The following PIBF1 variants were observed in gnomAD, a reference collection of about 807,000 sequenced individuals.
PIBF1 encodes the protein progesterone immunomodulatory binding factor 1, also known as progesterone-induced-blocking factor 1.
PIBF1 carries 90 observed loss-of-function variants against 112.5 expected under a neutral mutation model. That is an observed-to-expected ratio of 0.80 (90% CI 0.67 to 0.95). The LOEUF (loss-of-function observed/expected upper bound fraction) is 0.95, where lower values mean the gene tolerates loss of function less well. Among genes scored for constraint, PIBF1 ranks in the 40% least tolerant of loss-of-function variants. The probability of loss-of-function intolerance (pLI) is 0.00; values close to 1 mark genes in which losing one functional copy is unlikely to be tolerated. For missense variants in PIBF1, 915 were observed against 852.3 expected, an observed-to-expected ratio of 1.07 and a Z score of -0.92; for synonymous variants, 301 against 288.6, an observed-to-expected ratio of 1.04 and a Z score of -0.44.
intron 15 of PIBF1, among the ~76,000 whole-genome samples, chr13:72,965,605 T>G (rs1287568661): frequency 1.3e-5 from 2 of 152,214 alleles, no homozygotes; most frequent in East Asian, 3.8e-4. Flanking sequence ...ATCAGATGTC[T>G]TAGCATGGAA....
chr13:72,819,387 T>C (rs2036439219), intron 5 of PIBF1, among the ~76,000 whole-genome samples: 1 of 152,124 alleles, frequency 6.6e-6, no homozygotes, highest in Non-Finnish European at 1.5e-5. Flanking sequence ...TGCCCCCTTT[T>C]CTCCAACAGT....
At chr13:72,913,761 C>CA (rs570395102) in intron 12 of PIBF1, among the ~76,000 whole-genome samples, 2,530 of 123,868 alleles carry the variant, frequency 0.02, 74 homozygotes, top group South Asian at 0.029. Context: ...GACTCTGTCT[C>CA]AAAAAAAAAA....
rs141940979 is a variant in PIBF1, at chr13:72,968,647, A to G, written c.1964+3243A>G. ...CTGTTACTGAGGAACTAAATTTTTA[A>G]TTCTATTAAAATTAAATTGTTTAAA... On this transcript the variant is annotated intron_variant, in intron 15 of 17. Transcript: ENST00000326291. 3.5e-3 allele frequency among the ~76,000 whole-genome samples: 535 copies of G among 152,144 alleles called. 2 individuals carry two copies. The highest frequency in any genetic ancestry group is 0.012 in the African/African-American group (506 of 41,522).
rs889325695 is a variant in PIBF1, at chr13:72,790,519, A to T, written c.253-1928A>T. Among the ~76,000 whole-genome samples the T allele has an allele frequency of 2.0e-4, 10 of 51,152 alleles. No homozygotes were observed. The South Asian group carries it at 4.6e-3, about 24-fold the overall frequency. The allele number at this position is 51,152 out of a possible 152,430, so 33.6% of individuals were successfully genotyped here. ...ATAGATCACACACACACATAGATAG[A>T]TAGATAGATAGATAGATAGATAGAT... On this transcript the variant is annotated intron_variant, in intron 2 of 17. Transcript: ENST00000326291.
At chr13:72,974,870 CTG>C (rs2042981012) in intron 16 of PIBF1, among the ~76,000 whole-genome samples, 1 of 152,138 alleles carries the variant, frequency 6.6e-6, no homozygotes, top group Admixed American at 6.6e-5. Flanking sequence ...TTATAAGCAA[CTG>C]TCAAAATTTT....
intron 9 of PIBF1, 59 bp downstream of exon 9, chr13:72,835,427 TTA>T (rs2037314354): frequency 3.8e-6 from 5 of 1,313,814 alleles, no homozygotes; most frequent in Non-Finnish European, 5.2e-6. Context: ...TTTAGAAGCT[TTA>T]TTGAAATTAA....
intron 13 of PIBF1, among the ~76,000 whole-genome samples, chr13:72,928,028 T>TATATACATATATATAC (rs1566458703): frequency 0.055 from 3,181 of 58,340 alleles, 292 homozygotes; most frequent in African/African-American, 0.15. Flanking sequence ...TATATATACA[T>TATATACATATATATAC]ATATATATAT....
chr13:72,994,956 G>A (rs780545148), intron 16 of PIBF1, among the ~76,000 whole-genome samples: 29 of 152,020 alleles, frequency 1.9e-4, no homozygotes, highest in Non-Finnish European at 1.2e-4. Context: ...CAAAAAGGTC[G>A]GTGTAAGACA....
chr13:73,001,490 A>T (rs1015060946), intron 17 of PIBF1, among the ~76,000 whole-genome samples: 1 of 150,726 alleles, frequency 6.6e-6, no homozygotes, highest in African/African-American at 2.4e-5. Context: ...ATATGCATTG[A>T]CAATATGAGG....
Position 72,899,302 on chromosome 13 carries a change from C to G in PIBF1, c.1488+5353C>G, listed in dbSNP as rs541458386. Among the ~76,000 whole-genome samples, 144 of 152,196 alleles carry G rather than the reference C, an allele frequency of 9.5e-4. 1 individual carries two copies. The highest frequency in any genetic ancestry group is 3.2e-3 in the African/African-American group (132 of 41,530). ...AGCCAGCATCACCCTAATACCAAACCAGGAAAGGATACAACCAAAAAAGAA... is the reference window on the plus strand; with the variant it reads ...AGCCAGCATCACCCTAATACCAAACGAGGAAAGGATACAACCAAAAAAGAA... On this transcript the variant is annotated intron_variant, in intron 11 of 17. Coordinates refer to ENST00000326291, the MANE Select transcript of PIBF1 (RefSeq NM_006346.4).
chr13:72,870,702 A>T (rs1487063646), intron 10 of PIBF1, among the ~76,000 whole-genome samples: 1 of 152,084 alleles, frequency 6.6e-6, no homozygotes, highest in Admixed American at 6.5e-5. Flanking sequence ...CTGTTTTGGA[A>T]ATGGCCTTTT....
At chr13:72,786,499 C>A (rs1028636590) in intron 2 of PIBF1, among the ~76,000 whole-genome samples, 2 of 152,106 alleles carry the variant, frequency 1.3e-5, no homozygotes, top group African/African-American at 4.8e-5. Flanking sequence ...TCCTACTCAG[C>A]ACTGTTTTTG....
chr13:72,932,826 G>C (rs1389953077), intron 14 of PIBF1, among the ~76,000 whole-genome samples: 35 of 152,274 alleles, frequency 2.3e-4, no homozygotes. Flanking sequence ...TTTAATGCTA[G>C]TTGTGTTTGA....
intron 12 of PIBF1, among the ~76,000 whole-genome samples, chr13:72,909,296 T>C (rs2040816503): frequency 6.6e-6 from 1 of 152,140 alleles, no homozygotes; most frequent in Non-Finnish European, 1.5e-5. Context: ...ATGGAAATAA[T>C]TCCCGTCTCA....
chr13:72,941,039 T>G (rs1315424663), intron 14 of PIBF1, among the ~76,000 whole-genome samples: 2 of 152,226 alleles, frequency 1.3e-5, no homozygotes, highest in African/African-American at 4.8e-5. Flanking sequence ...CAACAGCTCC[T>G]TAACTCAGGG....
chr13:72,931,493 G>T (rs2041695377), intron 14 of PIBF1, among the ~76,000 whole-genome samples: 1 of 151,946 alleles, frequency 6.6e-6, no homozygotes, highest in African/African-American at 2.4e-5. Context: ...TATAAATGCA[G>T]ACTAGACAGA....
At chr13:73,007,299 G>GTTTTT (rs200537484) in intron 17 of PIBF1, among the ~76,000 whole-genome samples, 1 of 139,780 alleles carries the variant, frequency 7.2e-6, no homozygotes, top group African/African-American at 2.6e-5. Flanking sequence ...TTTTGTTTTT[G>GTTTTT]TTTTTTTTTT....
chr13:72,784,323 G>A (rs1414790131), intron 2 of PIBF1, among the ~76,000 whole-genome samples: 3 of 150,574 alleles, frequency 2.0e-5, no homozygotes, highest in Non-Finnish European at 4.4e-5. Flanking sequence ...GTGGGTGCCT[G>A]TAATCCCAGC....
chr13:72,868,020 C>T (rs1054248185), intron 10 of PIBF1, among the ~76,000 whole-genome samples: 32 of 152,000 alleles, frequency 2.1e-4, no homozygotes, highest in Non-Finnish European at 4.1e-4. Context: ...CATCTCTGGG[C>T]TGTGTGTGGT....
Sources: gnomAD v4.1 joint callset for allele counts (sites outside exome capture counted in the v4.1 genomes callset) on GRCh38, gnomAD v4.1.1 for gene constraint, MANE v1.5 for transcripts, NCBI Gene and HGNC (gene_info 2026-07-23, HGNC 2026-07-21) for gene names.